The following SHISA9 variants were observed in gnomAD, a reference collection of about 807,000 sequenced individuals.
The protein encoded by SHISA9 is shisa family member 9, also known as protein shisa-9.
Under a neutral mutation model 38.0 loss-of-function variants are expected in SHISA9, and 13 were observed. That is an observed-to-expected ratio of 0.34 (90% CI 0.22 to 0.54). The LOEUF is 0.54. Ranked by LOEUF, SHISA9 falls within the 20% of genes least tolerant of loss-of-function variation. The probability of loss-of-function intolerance (pLI) is 0.91; values close to 1 mark genes in which losing one functional copy is unlikely to be tolerated. For synonymous variants in SHISA9, 275 were observed against 242.0 expected (o/e 1.14, Z -1.27); for missense variants, 538 against 575.8 (o/e 0.93, Z 0.67).
the SHISA9 span, among the ~76,000 whole-genome samples, chr16:13,492,385 A>G: frequency 2.0e-5 from 3 of 152,180 alleles, no homozygotes; most frequent in Non-Finnish European, 4.4e-5. Flanking sequence ...TTGAAAATTA[A>G]TCCTTTTTAC....
intron 2 of SHISA9, among the ~76,000 whole-genome samples, chr16:13,171,227 A>G (rs754781485): frequency 6.6e-5 from 10 of 152,146 alleles, no homozygotes; most frequent in Non-Finnish European, 1.3e-4. Context: ...GTACCAAGCC[A>G]TTCATGAGGG....
chr16:13,264,832 T>C, the SHISA9 span, among the ~76,000 whole-genome samples: 1 of 151,940 alleles, frequency 6.6e-6, no homozygotes, highest in Admixed American at 6.6e-5. Flanking sequence ...AAGAGAGAAA[T>C]CAATAAATAA....
intron 2 of SHISA9, among the ~76,000 whole-genome samples, chr16:13,013,829 G>A (rs540704196): frequency 2.8e-4 from 42 of 152,054 alleles, no homozygotes; most frequent in Admixed American, 7.2e-4. Flanking sequence ...CCGGGTTCAC[G>A]CCATTCTCCT....
the SHISA9 span, among the ~76,000 whole-genome samples, chr16:13,530,689 TC>T: frequency 2.6e-5 from 4 of 152,044 alleles, no homozygotes; most frequent in Admixed American, 6.6e-5. Flanking sequence ...CAGAACCACT[TC>T]CCTTTTTCTT....
At chr16:13,256,663 T>G in the SHISA9 span, among the ~76,000 whole-genome samples, 1 of 152,212 alleles carries the variant, frequency 6.6e-6, no homozygotes. Context: ...GTCTCTGAAT[T>G]CCCATTGCCT....
intron 2 of SHISA9, among the ~76,000 whole-genome samples, chr16:13,086,117 G>A (rs1325851292): frequency 1.3e-5 from 2 of 152,040 alleles, no homozygotes; most frequent in Non-Finnish European, 1.5e-5. Context: ...CAGCACTTTG[G>A]GAGGCCGAGG....
At chr16:13,062,196 A>G (rs1011376728) in intron 2 of SHISA9, among the ~76,000 whole-genome samples, 3 of 152,030 alleles carry the variant, frequency 2.0e-5, no homozygotes, top group African/African-American at 7.3e-5. Context: ...GCTAAAAAAA[A>G]AAAAATCCAT....
chr16:12,922,372 T>A (rs1016578648), intron 2 of SHISA9, among the ~76,000 whole-genome samples: 1 of 152,238 alleles, frequency 6.6e-6, no homozygotes, highest in Non-Finnish European at 1.5e-5. Context: ...TTTGCACCTG[T>A]TGTGCTTCAT....
At chr16:13,339,075 T>C in the SHISA9 span, among the ~76,000 whole-genome samples, 3,828 of 152,156 alleles carry the variant, frequency 0.025, 84 homozygotes, top group African/African-American at 0.054. Flanking sequence ...TTTATGGGGA[T>C]TGTCAGTTAC....
At chr16:12,959,822 G>A (rs532384197) in intron 2 of SHISA9, among the ~76,000 whole-genome samples, 11 of 152,252 alleles carry the variant, frequency 7.2e-5, no homozygotes, top group Non-Finnish European at 1.2e-4. Flanking sequence ...TGCTGCCCTC[G>A]CCTTTCAGCC....
intron 2 of SHISA9, among the ~76,000 whole-genome samples, chr16:13,114,527 T>G (rs2074012118): frequency 6.8e-6 from 1 of 146,558 alleles, no homozygotes; most frequent in African/African-American, 2.5e-5. Flanking sequence ...ATCACCCAGG[T>G]CCCCACTACC....
At chr16:12,922,360 G>A (rs1300820780) in intron 2 of SHISA9, among the ~76,000 whole-genome samples, 1 of 152,184 alleles carries the variant, frequency 6.6e-6, no homozygotes, top group Non-Finnish European at 1.5e-5. Flanking sequence ...TGCCCCAGGG[G>A]CTTTGCACCT....
At chr16:13,409,066 A>G in the SHISA9 span, among the ~76,000 whole-genome samples, 1 of 152,204 alleles carries the variant, frequency 6.6e-6, no homozygotes, top group African/African-American at 2.4e-5. Context: ...TGACCAGATG[A>G]GGAGACAAGC....
chr16:13,036,574 T>TA (rs2073067296), intron 2 of SHISA9, among the ~76,000 whole-genome samples: 1 of 152,120 alleles, frequency 6.6e-6, no homozygotes, highest in Non-Finnish European at 1.5e-5. Flanking sequence ...TATAAATCTG[T>TA]AAAAAGTCAT....
the SHISA9 span, among the ~76,000 whole-genome samples, chr16:13,369,918 C>T: frequency 1.3e-5 from 2 of 152,110 alleles, no homozygotes; most frequent in African/African-American, 2.4e-5. Flanking sequence ...GGGTTGGAGA[C>T]CTGGCCTAGG....
At chr16:13,223,861 A>G (rs901209977) in intron 4 of SHISA9, among the ~76,000 whole-genome samples, 1 of 152,204 alleles carries the variant, frequency 6.6e-6, no homozygotes, top group Non-Finnish European at 1.5e-5. Context: ...CATTGCAGGC[A>G]ATGTAGAATG....
intron 2 of SHISA9, among the ~76,000 whole-genome samples, chr16:13,120,466 C>T (rs1464646946): frequency 1.3e-5 from 2 of 152,162 alleles, no homozygotes; most frequent in African/African-American, 2.4e-5. Context: ...AAAGGTTTCC[C>T]ATGGTCGTAT....
At chr16:13,532,446 A>T in the SHISA9 span, among the ~76,000 whole-genome samples, 49 of 152,250 alleles carry the variant, frequency 3.2e-4, no homozygotes, top group Non-Finnish European at 4.0e-4. Flanking sequence ...CCAGACTCAG[A>T]CTGACCTGGG....
intron 2 of SHISA9, among the ~76,000 whole-genome samples, chr16:12,923,304 A>G (rs1248836904): frequency 1.3e-5 from 2 of 152,238 alleles, no homozygotes; most frequent in East Asian, 3.8e-4. Flanking sequence ...CCAAAGCAGC[A>G]GATCCCTTGA....
Sources: gnomAD v4.1 joint callset for allele counts (sites outside exome capture counted in the v4.1 genomes callset) on GRCh38, gnomAD v4.1.1 for gene constraint, MANE v1.5 for transcripts, NCBI Gene and HGNC (gene_info 2026-07-23, HGNC 2026-07-21) for gene names.